Variants in DYRK1A observed in about 807,000 individuals in gnomAD.
The protein encoded by DYRK1A is dual specificity tyrosine phosphorylation regulated kinase 1A.
Under a neutral mutation model 79.7 loss-of-function variants are expected in DYRK1A, and 9 were observed. The ratio of observed to expected loss-of-function variants is 0.11; its 90% CI spans 0.07 to 0.20. The LOEUF (loss-of-function observed/expected upper bound fraction) is 0.20. DYRK1A is among the 10% of genes least tolerant of loss of function. The pLI is 1.00. For synonymous variants in DYRK1A, 349 were observed against 329.7 expected, an observed-to-expected ratio of 1.06 and a Z score of -0.63; for missense variants, 622 against 956.0, an observed-to-expected ratio of 0.65 and a Z score of 4.61.
At position 37,440,218 on chromosome 21, in the gene DYRK1A, C is replaced by CT. The variant is rs535193311; in HGVS notation, c.10+19835dup. On this transcript the variant is annotated intron_variant, in intron 2 of 11. Coordinates refer to ENST00000647188, the MANE Select transcript of DYRK1A (RefSeq NM_001347721.2). Reference sequence around the variant, plus strand: ...TGGTGTGATCTCGGTTCACTGCAACCTCCGCCCCCTGGGTTCAAGTGATTC... The same window carrying CT: ...TGGTGTGATCTCGGTTCACTGCAACCTTCCGCCCCCTGGGTTCAAGTGATTC... Among the ~76,000 whole-genome samples the CT allele has an allele frequency of 2.4e-3, 329 of 136,108 alleles. 1 individual carries two copies. The highest frequency in any genetic ancestry group is 0.013 in the Middle Eastern group (3 of 238). The allele number at this position is 136,108 out of a possible 152,430, so 89.3% of individuals were successfully genotyped here. A position where few individuals can be genotyped will look rare whatever the true frequency, so the allele number is the denominator to read the frequency against.
rs1022170257 is a variant in DYRK1A at position 37,518,220 on chromosome 21, GAA to G, written c.*5691_*5692del. 2.0e-5 allele frequency: 3 copies of G among 152,352 alleles called. No individual in the cohort carries two copies. The highest frequency in any genetic ancestry group is 1.9e-4 in the East Asian group (1 of 5,188). The allele number at this position is 152,352 out of a possible 1,614,324, so 9.4% of individuals were successfully genotyped here. On this transcript the variant is annotated 3_prime_UTR_variant, in exon 12 of 12. Transcript: ENST00000647188. ...AGCGGAATGCAGTGAAATAGCATGA[GAA>G]AGAGCGTTTTTATGTACATCACAGA...
At chr21:37,432,925 G>A (rs1406680749) in intron 2 of DYRK1A, among the ~76,000 whole-genome samples, 11 of 149,704 alleles carry the variant, frequency 7.3e-5, no homozygotes, top group African/African-American at 2.5e-4. Flanking sequence ...GCAGTGAGCC[G>A]AGATCGCGCC....
intron 1 of DYRK1A, among the ~76,000 whole-genome samples, chr21:37,377,466 A>G (rs1342037327): frequency 6.6e-6 from 1 of 151,774 alleles, no homozygotes; most frequent in Non-Finnish European, 1.5e-5. Context: ...GTCAGCTCAC[A>G]GAGCTCCCAT....
At chr21:37,367,863 C>T (rs1428977815) in intron 1 of DYRK1A, among the ~76,000 whole-genome samples, 2 of 151,440 alleles carry the variant, frequency 1.3e-5, no homozygotes, top group Non-Finnish European at 3.0e-5. Flanking sequence ...GGGCCGCGGC[C>T]TCCCGGGAGC....
intron 2 of DYRK1A, among the ~76,000 whole-genome samples, chr21:37,440,084 T>G (rs1342355531): frequency 6.6e-6 from 1 of 150,802 alleles, no homozygotes; most frequent in Non-Finnish European, 1.5e-5. Flanking sequence ...ATTTCTACTC[T>G]GGATCCTTAT....
intron 1 of DYRK1A, among the ~76,000 whole-genome samples, chr21:37,374,742 A>G (rs2049503205): frequency 6.6e-6 from 1 of 151,890 alleles, no homozygotes; most frequent in Admixed American, 6.6e-5. Flanking sequence ...TTTAGTAGAG[A>G]CGGGGTTTCA....
intron 1 of DYRK1A, among the ~76,000 whole-genome samples, chr21:37,388,008 CTCTTTATAAATG>C (rs2049794235): frequency 6.6e-6 from 1 of 152,040 alleles, no homozygotes. Flanking sequence ...AACTCATGAC[CTCTTTATAAATG>C]TCTGTGTTTT....
In DYRK1A at chr21:37,520,877, A is replaced by G. The variant is rs903728133; in HGVS notation, c.*8346A>G. 6.6e-6 allele frequency: 1 copy of G among 152,264 alleles called. No individual in the cohort carries two copies. The highest frequency in any genetic ancestry group is 2.4e-5 in the African/African-American group (1 of 41,460). The allele number at this position is 152,264 out of a possible 1,614,324, so 9.4% of individuals were successfully genotyped here. ...TGCGCTTGGAGTCCTGGATTCCTCC[A>G]GGACTGCTACTGTATTCCAATTGAG... On this transcript the variant is annotated 3_prime_UTR_variant, in exon 12 of 12. Coordinates refer to ENST00000647188, the MANE Select transcript of DYRK1A (RefSeq NM_001347721.2).
chr21:37,404,552 T>A (rs1388737242), intron 1 of DYRK1A, among the ~76,000 whole-genome samples: 2 of 152,156 alleles, frequency 1.3e-5, no homozygotes, highest in Admixed American at 6.5e-5. Flanking sequence ...ATGCCTGAAC[T>A]CTAAGCTTTA....
chr21:37,497,415 G>A (rs1204051182), intron 9 of DYRK1A, among the ~76,000 whole-genome samples: 1 of 152,034 alleles, frequency 6.6e-6, no homozygotes, highest in East Asian at 1.9e-4. Flanking sequence ...AAATGCCATC[G>A]AGACCTCCTG....
At chr21:37,486,125 A>T (rs956750826) in intron 5 of DYRK1A, 21 of 156,486 alleles carry the variant, frequency 1.3e-4, no homozygotes, top group African/African-American at 3.6e-4. Flanking sequence ...TAAGAAAGAT[A>T]AAAAAACCTA....
intron 9 of DYRK1A, chr21:37,503,544 C>T (rs1489446807): frequency 6.6e-6 from 1 of 152,154 alleles, no homozygotes; most frequent in East Asian, 1.9e-4. Flanking sequence ...ACCTCAGCCT[C>T]CCAAGAAGCT....
At chr21:37,415,091 C>T (rs1745665353) in intron 1 of DYRK1A, among the ~76,000 whole-genome samples, 1 of 152,080 alleles carries the variant, frequency 6.6e-6, no homozygotes, top group Non-Finnish European at 1.5e-5. Context: ...CTCCTGTTTT[C>T]CTCTATTTGT....
chr21:37,420,479 G>A, intron 2 of DYRK1A, 95 bp downstream of exon 2: 1 of 1,265,752 alleles, frequency 7.9e-7, no homozygotes. Flanking sequence ...ATAAATAGCA[G>A]TTAGTGGGGG....
At chr21:37,366,056 C>T (rs2049295480), upstream of DYRK1A, 1 of 151,804 alleles carries the variant, frequency 6.6e-6, no homozygotes, top group East Asian at 1.9e-4. Flanking sequence ...CTCCCCGCCC[C>T]CACCACGGCC....
chr21:37,417,529 C>CTTTTTTTTTTTTTTTTTTTTTTTTTTTT (rs3216074), intron 1 of DYRK1A, among the ~76,000 whole-genome samples: 1 of 44,070 alleles, frequency 2.3e-5, no homozygotes, highest in African/African-American at 1.0e-4. Flanking sequence ...TTTTCTTTTT[C>CTTTTTTTTTTTTTTTTTTTTTTTTTTTT]TTTTTTTTTT....
At chr21:37,450,764 C>CT (rs1180153618) in intron 2 of DYRK1A, among the ~76,000 whole-genome samples, 2 of 152,192 alleles carry the variant, frequency 1.3e-5, no homozygotes, top group African/African-American at 4.8e-5. Context: ...TCCTTTAAGC[C>CT]TTTGCCTTGT....
chr21:37,451,938 T>G (rs780343881), intron 2 of DYRK1A, among the ~76,000 whole-genome samples: 1 of 151,996 alleles, frequency 6.6e-6, no homozygotes, highest in Non-Finnish European at 1.5e-5. Flanking sequence ...GCATGCTAGT[T>G]GGAGAGAAGA....
chr21:37,404,801 A>G (rs1161786168), intron 1 of DYRK1A, among the ~76,000 whole-genome samples: 3 of 152,166 alleles, frequency 2.0e-5, no homozygotes, highest in South Asian at 2.1e-4. Context: ...CAGAAGCAGG[A>G]TATGTGAGGA....
Sources: gnomAD v4.1 joint callset for allele counts (sites outside exome capture counted in the v4.1 genomes callset) on GRCh38, gnomAD v4.1.1 for gene constraint, MANE v1.5 for transcripts, NCBI Gene and HGNC (gene_info 2026-07-23, HGNC 2026-07-21) for gene names.